The following PNPLA3 variants were observed in gnomAD, a reference collection of about 807,000 sequenced individuals.
PNPLA3 encodes 1-acylglycerol-3-phosphate O-acyltransferase PNPLA3.
Under a neutral mutation model 43.1 loss-of-function variants are expected in PNPLA3, and 42 were observed. The ratio of observed to expected loss-of-function variants is 0.97; its 90% CI spans 0.76 to 1.26. PNPLA3 has a LOEUF of 1.26. Among genes scored for constraint, PNPLA3 ranks in the 50% most tolerant of loss-of-function variants. The pLI is 0.00. For synonymous variants in PNPLA3, 272 were observed against 253.6 expected, an observed-to-expected ratio of 1.07 and a Z score of -0.69; for missense variants, 647 against 621.4, an observed-to-expected ratio of 1.04 and a Z score of -0.44.
intron 3 of PNPLA3, among the ~76,000 whole-genome samples, chr22:43,931,937 A>G (rs2049964303): frequency 6.6e-6 from 1 of 152,222 alleles, no homozygotes; most frequent in Non-Finnish European, 1.5e-5. Flanking sequence ...CTTGATGGCT[A>G]AGGTGTGGCT....
intron 4 of PNPLA3, 107 bp from the exon 5 acceptor site, chr22:43,934,499 C>A: frequency 8.4e-7 from 1 of 1,185,158 alleles, no homozygotes; most frequent in Non-Finnish European, 1.2e-6. Flanking sequence ...CCAGCAGACT[C>A]AGAGCTTGCA....
At chr22:43,925,384 G>A (rs977659911) in intron 1 of PNPLA3, among the ~76,000 whole-genome samples, 1 of 152,150 alleles carries the variant, frequency 6.6e-6, no homozygotes, top group African/African-American at 2.4e-5. Flanking sequence ...AGTCCTGGAG[G>A]CGAGGAGGGG....
chr22:43,929,788 G>A (rs1431121832), intron 3 of PNPLA3, among the ~76,000 whole-genome samples: 4 of 151,734 alleles, frequency 2.6e-5, no homozygotes, highest in Non-Finnish European at 5.9e-5. Context: ...GTAGAGACAG[G>A]GTTTCATCAT....
In PNPLA3 at chr22:43,946,238, G is replaced by C. The variant is rs145821885; in HGVS notation, c.1302G>C (p.Lys434Asn). 17 of 1,614,162 alleles carry C rather than the reference G, an allele frequency of 1.1e-5. No homozygotes were observed. In the African/African-American group the frequency reaches 2.3e-4, roughly 22 times the overall value. The change falls in exon 9 of 9, where the codon AAG becomes AAC. Residue 434 changes from lysine (K) to asparagine (N), a missense_variant. By Grantham distance (94) the Lys-to-Asn change is moderately conservative (BLOSUM62 0). Coordinates refer to ENST00000216180, the MANE Select transcript of PNPLA3 (RefSeq NM_025225.3). Reference sequence around the variant, plus strand: ...CCTGCTGGACTCCCTGCTCCCCCAAGGGCTGTCCAGCAGAGACCAAAGCAG... The same window carrying C: ...CCTGCTGGACTCCCTGCTCCCCCAACGGCTGTCCAGCAGAGACCAAAGCAG... ...DWPCWTPCSP[K>N]GCPAETKAEA...
Position 43,937,277 on chromosome 22 carries a change from C to A in PNPLA3, c.979+5C>A, listed in dbSNP as rs1315229587. On this transcript the variant is annotated splice_donor_5th_base_variant and intron_variant, in intron 6 of 8. Transcript: ENST00000216180. ...TCTCGCCCAGGCTCGCTACAGGTAC[C>A]CACTCCTCGGGGTGAGCACGGGCAG... 2 of 1,613,064 alleles carry A rather than the reference C, an allele frequency of 1.2e-6. No individual in the cohort carries two copies. The highest frequency in any genetic ancestry group is 1.7e-6 in the Non-Finnish European group (2 of 1,179,746).
At chr22:43,924,290 G>T in intron 1 of PNPLA3, 192 bp downstream of exon 1, 2 of 702,442 alleles carry the variant, frequency 2.8e-6, no homozygotes, top group Non-Finnish European at 4.3e-6. Flanking sequence ...CCCGGGAAGG[G>T]GGCGTTGGAA....
intron 2 of PNPLA3, among the ~76,000 whole-genome samples, chr22:43,927,497 A>AG (rs979673586): frequency 1.3e-5 from 2 of 150,176 alleles, no homozygotes; most frequent in Non-Finnish European, 3.0e-5. Context: ...CTGGAAAAAA[A>AG]AAAAAAAGAA....
At chr22:43,932,804 G>T in intron 3 of PNPLA3, 74 bp from the exon 4 acceptor site, 1 of 1,390,148 alleles carries the variant, frequency 7.2e-7, no homozygotes, top group East Asian at 2.3e-5. Context: ...GCCCACATGT[G>T]AAAGCTTGTT....
chr22:43,945,022 G>A (rs1389011374), intron 8 of PNPLA3, among the ~76,000 whole-genome samples: 4 of 152,196 alleles, frequency 2.6e-5, no homozygotes, highest in Non-Finnish European at 2.9e-5. Context: ...AAGACTTCCC[G>A]TCGGATGAGT....
chr22:43,939,307 C>T (rs1323520665), intron 6 of PNPLA3: 1 of 843,762 alleles, frequency 1.2e-6, no homozygotes, highest in Admixed American at 6.2e-5. Flanking sequence ...TGCCTCATGA[C>T]TTACACACCA....
intron 7 of PNPLA3, among the ~76,000 whole-genome samples, chr22:43,943,866 G>A (rs746235266): frequency 2.5e-4 from 38 of 152,078 alleles, no homozygotes; most frequent in Non-Finnish European, 4.1e-4. Context: ...TCAGCTCACT[G>A]CAACCTCCAC....
At position 43,946,197 on chromosome 22, in the gene PNPLA3, C is replaced by T. The variant is rs754106300; in HGVS notation, c.1261C>T (p.Pro421Ser). 6.2e-7 allele frequency: 1 copy of T among 1,614,184 alleles called. No individual in the cohort carries two copies. The change falls in exon 9 of 9, where the codon CCT (proline) becomes TCT (serine). Residue 421 changes from proline (P) to serine (S), a missense_variant. By Grantham distance (74) the Pro-to-Ser change is moderately conservative (BLOSUM62 -1). Transcript: ENST00000216180. Reference sequence around the variant, plus strand: ...CAGCCAACAGGCCTCCCCATGCACACCTGAGCAGGACTGGCCCTGCTGGAC... The same window carrying T: ...CAGCCAACAGGCCTCCCCATGCACATCTGAGCAGGACTGGCCCTGCTGGAC... ...VSSQQASPCT[P>S]EQDWPCWTPC...
At chr22:43,928,983 C>A in intron 3 of PNPLA3, 94 bp downstream of exon 3, 2 of 1,276,828 alleles carry the variant, frequency 1.6e-6, no homozygotes, top group South Asian at 2.4e-5. Context: ...TCGGGCACCT[C>A]AGGGTCTGTC....
At chr22:43,927,717 C>T (rs139049) in intron 2 of PNPLA3, among the ~76,000 whole-genome samples, 56,380 of 151,554 alleles carry the variant, frequency 0.37, 10,655 homozygotes, top group Middle Eastern at 0.42. Flanking sequence ...AGTGCAGTGG[C>T]GCAATCTCAA....
At chr22:43,944,041 C>CAGGGAGG (rs1279092020) in intron 7 of PNPLA3, among the ~76,000 whole-genome samples, 2 of 152,184 alleles carry the variant, frequency 1.3e-5, no homozygotes, top group Non-Finnish European at 2.9e-5. Flanking sequence ...CTGCCTTGGC[C>CAGGGAGG]TCCCAAAGTG....
chr22:43,926,807 T>C, intron 1 of PNPLA3, 128 bp from the exon 2 acceptor site: 1 of 712,332 alleles, frequency 1.4e-6, no homozygotes, highest in South Asian at 1.8e-5. Flanking sequence ...CACATGTGGC[T>C]CCCATAGTAG....
At chr22:43,939,904 A>G (rs1402769088) in intron 6 of PNPLA3, 89 bp from the exon 7 acceptor site, 4 of 1,593,864 alleles carry the variant, frequency 2.5e-6, no homozygotes, top group Non-Finnish European at 3.4e-6. Context: ...GGACGGGCGT[A>G]TTTTATGGAA....
At chr22:43,932,435 G>C (rs1458891311) in intron 3 of PNPLA3, among the ~76,000 whole-genome samples, 2 of 152,200 alleles carry the variant, frequency 1.3e-5, no homozygotes, top group Admixed American at 1.3e-4. Context: ...AAGCAGCAAA[G>C]GGGTCTGGAT....
At chr22:43,934,750 G>T in intron 5 of PNPLA3, 84 bp downstream of exon 5, 1 of 1,337,052 alleles carries the variant, frequency 7.5e-7, no homozygotes, top group Non-Finnish European at 1.1e-6. Context: ...ATTTGCCTTA[G>T]TTCTAACACT....
Sources: gnomAD v4.1 joint callset for allele counts (sites outside exome capture counted in the v4.1 genomes callset) on GRCh38, gnomAD v4.1.1 for gene constraint, MANE v1.5 for transcripts, NCBI Gene and HGNC (gene_info 2026-07-23, HGNC 2026-07-21) for gene names.